The following OR2AJ1 variants were observed in gnomAD, a reference collection of about 807,000 sequenced individuals.
OR2AJ1 encodes the protein olfactory receptor family 2 subfamily AJ member 1.
For missense variants in OR2AJ1, 280 were observed against 163.2 expected, an observed-to-expected ratio of 1.72 and a Z score of -3.90; for synonymous variants, 105 against 60.3, an observed-to-expected ratio of 1.74 and a Z score of -3.44.
intron 1 of OR2AJ1, 77 bp downstream of exon 1, chr1:247,925,245 G>C (rs1385184940): frequency 6.6e-6 from 1 of 152,510 alleles, no homozygotes; most frequent in Admixed American, 6.5e-5. Context: ...CGCAGGTTTT[G>C]TTCAGAGCGC....
At chr1:247,928,388 A>G (rs1018254206) in intron 1 of OR2AJ1, among the ~76,000 whole-genome samples, 1 of 152,190 alleles carries the variant, frequency 6.6e-6, no homozygotes, top group Non-Finnish European at 1.5e-5. Context: ...AGTTCCTCGC[A>G]TATACTATAT....
At position 247,934,780 on chromosome 1, in the gene OR2AJ1, G is replaced by T. The variant is rs566593513; in HGVS notation, c.*25G>T. The T allele has an allele frequency of 2.3e-5, 15 of 644,742 alleles. No homozygotes were observed. The East Asian group carries it at 2.7e-4, about 12-fold the overall frequency. The allele number at this position is 644,742 out of a possible 1,614,324, so 39.9% of individuals were successfully genotyped here. A position where few individuals can be genotyped will look rare whatever the true frequency, so the allele number is the denominator to read the frequency against. On this transcript the variant is annotated 3_prime_UTR_variant, in exon 2 of 2. Transcript: ENST00000318244. Reference sequence around the variant, plus strand: ...AATGCCTGAAGGATACTCATGAGAGGTTTCCTAGAAAGAAATCAAAGCTTC... The same window carrying T: ...AATGCCTGAAGGATACTCATGAGAGTTTTCCTAGAAAGAAATCAAAGCTTC...
chr1:247,928,910 C>T (rs1331000817), intron 1 of OR2AJ1, among the ~76,000 whole-genome samples: 4 of 152,124 alleles, frequency 2.6e-5, no homozygotes, highest in East Asian at 1.9e-4. Flanking sequence ...CTGGCTAACA[C>T]GGTGAAATCC....
Position 247,934,884 on chromosome 1 carries a change from A to T in OR2AJ1, c.*129A>T, listed in dbSNP as rs979635268. On this transcript the variant is annotated 3_prime_UTR_variant, in exon 2 of 2. Transcript: ENST00000318244. Reference sequence around the variant, plus strand: ...AATAATATGTGTTTGTGTTGTAAACACGTACCTCTAAAAATGTAGTGTTCC... The same window carrying T: ...AATAATATGTGTTTGTGTTGTAAACTCGTACCTCTAAAAATGTAGTGTTCC... The T allele has an allele frequency of 3.4e-6, 2 of 581,482 alleles. No homozygotes were observed. The highest frequency in any genetic ancestry group is 6.0e-6 in the Non-Finnish European group (2 of 330,694). The allele number at this position is 581,482 out of a possible 1,614,324, so 36.0% of individuals were successfully genotyped here.
chr1:247,933,817 T>A lies in OR2AJ1; in HGVS notation c.49T>A (p.Leu17Met), dbSNP rs1157704607. 1.6e-6 allele frequency: 1 copy of A among 632,016 alleles called. No homozygotes were observed. The highest frequency in any genetic ancestry group is 2.7e-5 in the East Asian group (1 of 36,462). The allele number at this position is 632,016 out of a possible 1,614,324, so 39.2% of individuals were successfully genotyped here. A position where few individuals can be genotyped will look rare whatever the true frequency, so the allele number is the denominator to read the frequency against. The part of the protein sequence containing the change: ...TFSSDFILLG[L>M]FSSSPTSVVF... ...CAGCAGTGATTTCATACTTTTGGGA[T>A]TGTTCTCTTCTTCCCCAACAAGTGT... The change falls in exon 2 of 2, where the codon TTG becomes ATG. Residue 17 changes from leucine to methionine, a missense_variant. Leu to Met is a conservative substitution (Grantham distance 15). Coordinates refer to ENST00000318244, the MANE Select transcript of OR2AJ1 (RefSeq NM_001355235.2).
intron 1 of OR2AJ1, among the ~76,000 whole-genome samples, chr1:247,927,519 T>TGTGTGTGTGTGTGTG (rs74163828): frequency 1.4e-4 from 21 of 151,710 alleles, no homozygotes; most frequent in East Asian, 3.9e-4. Flanking sequence ...TGTGTGTGTG[T>TGTGTGTGTGTGTGTG]TGGGAACATT....
intron 1 of OR2AJ1, among the ~76,000 whole-genome samples, chr1:247,925,968 C>A (rs1660087238): frequency 6.6e-6 from 1 of 152,146 alleles, no homozygotes; most frequent in African/African-American, 2.4e-5. Context: ...TCTGTAAATT[C>A]TGAACACAAA....
intron 1 of OR2AJ1, among the ~76,000 whole-genome samples, chr1:247,929,191 C>G (rs1660125292): frequency 6.6e-6 from 1 of 152,156 alleles, no homozygotes; most frequent in Admixed American, 6.5e-5. Context: ...TTTGCTCTTT[C>G]ACACTCATTT....
At chr1:247,928,350 T>C (rs1396605024) in intron 1 of OR2AJ1, among the ~76,000 whole-genome samples, 1 of 152,334 alleles carries the variant, frequency 6.6e-6, no homozygotes, top group South Asian at 2.1e-4. Flanking sequence ...CTATTTTCAA[T>C]TGGATTATGG....
chr1:247,934,236 C>T lies in OR2AJ1; in HGVS notation c.468C>T (p.Ser156=). ...GGSWLIGVFN[S]TVHTAYALQF... is the part of the protein sequence containing the mutation. ...CCTGGCTCATTGGGGTTTTCAACTC[C>T]ACAGTCCACACAGCTTATGCACTGC... The change falls in exon 2 of 2, where the codon TCC becomes TCT. Residue 156 remains serine, a synonymous_variant. Coordinates refer to ENST00000318244, the MANE Select transcript of OR2AJ1 (RefSeq NM_001355235.2). 1.4e-6 allele frequency: 1 copy of T among 719,722 alleles called. No homozygotes were observed. Among genetic ancestry groups the T allele is most frequent in the Non-Finnish European group, 2.6e-6 (1 of 386,454 alleles). 44.6% of individuals were successfully genotyped at this position (719,722 alleles called of 1,614,324 possible).
intron 1 of OR2AJ1, among the ~76,000 whole-genome samples, chr1:247,928,922 G>A (rs760290623): frequency 2.0e-5 from 3 of 152,026 alleles, no homozygotes. Context: ...GTGAAATCCC[G>A]TCTCTACTAA....
chr1:247,924,913 T>C lies in OR2AJ1; in HGVS notation c.-278T>C, dbSNP rs4925779. The C allele has an allele frequency of 6.6e-6, 1 of 152,154 alleles. No individual in the cohort carries two copies. The highest frequency in any genetic ancestry group is 2.4e-5 in the African/African-American group (1 of 41,478). 9.4% of individuals were successfully genotyped at this position (152,154 alleles called of 1,614,324 possible). A position where few individuals can be genotyped will look rare whatever the true frequency, so the allele number is the denominator to read the frequency against. On this transcript the variant is annotated 5_prime_UTR_variant, in exon 1 of 2. Transcript: ENST00000318244. ...TGCTACAGGACTTCCAACTGGGAAG[T>C]TGTCTTTCATCCTTTTCCTTGCTCC...
chr1:247,929,652 G>A (rs1660131579), intron 1 of OR2AJ1, among the ~76,000 whole-genome samples: 1 of 148,800 alleles, frequency 6.7e-6, no homozygotes, highest in Non-Finnish European at 1.5e-5. Flanking sequence ...GGTATTTAAT[G>A]AGTCTCATCT....
chr1:247,934,953 G>A lies in OR2AJ1; in HGVS notation c.*198G>A. On this transcript the variant is annotated 3_prime_UTR_variant, in exon 2 of 2. Transcript: ENST00000318244. ...AATCATGCAACAGTTACAGGAAGTA[G>A]AAGTTACCCAAGGCGTCCTATTCCC... is the stretch of plus-strand genomic sequence containing the variant. 2 of 488,082 alleles carry A rather than the reference G, an allele frequency of 4.1e-6. No homozygotes were observed. Among genetic ancestry groups the A allele is most frequent in the Middle Eastern group, 5.2e-4 (1 of 1,910 alleles). 30.2% of individuals were successfully genotyped at this position (488,082 alleles called of 1,614,324 possible). A position where few individuals can be genotyped will look rare whatever the true frequency, so the allele number is the denominator to read the frequency against.
rs535723018 is a variant in OR2AJ1 at position 247,926,852 on chromosome 1, T to C, written c.-23+1684T>C. On this transcript the variant is annotated intron_variant, in intron 1 of 1. Transcript: ENST00000318244. ...TGAGAATGGTTTCAACAATAGACTT[T>C]AGTGGGAACAAACTAGCTTGATTCT... Among the ~76,000 whole-genome samples the C allele has an allele frequency of 9.2e-5, 14 of 152,328 alleles. No homozygotes were observed. In the South Asian group the frequency reaches 2.5e-3, roughly 27 times the overall value.
At chr1:247,933,238 G>C (rs997823549) in intron 1 of OR2AJ1, among the ~76,000 whole-genome samples, 2 of 152,142 alleles carry the variant, frequency 1.3e-5, no homozygotes, top group African/African-American at 4.8e-5. Context: ...CCAGTGATCA[G>C]AACAAGGATC....
At chr1:247,926,178 A>G (rs1296040423) in intron 1 of OR2AJ1, among the ~76,000 whole-genome samples, 1 of 152,194 alleles carries the variant, frequency 6.6e-6, no homozygotes, top group Non-Finnish European at 1.5e-5. Context: ...TATAAACATT[A>G]TCTTTAGCAT....
intron 1 of OR2AJ1, among the ~76,000 whole-genome samples, chr1:247,932,733 A>G (rs1660167909): frequency 6.6e-6 from 1 of 152,186 alleles, no homozygotes; most frequent in Non-Finnish European, 1.5e-5. Context: ...TAATTTACGT[A>G]TTAATATGTG....
rs572896714 is a variant in OR2AJ1, at chr1:247,928,334, A to C, written c.-23+3166A>C. Among the ~76,000 whole-genome samples the C allele has an allele frequency of 3.3e-5, 5 of 152,246 alleles. No individual in the cohort carries two copies. The East Asian group carries it at 9.6e-4, about 29-fold the overall frequency. On this transcript the variant is annotated intron_variant, in intron 1 of 1. Coordinates refer to ENST00000318244, the MANE Select transcript of OR2AJ1 (RefSeq NM_001355235.2). ...CTTCTGAGAAATGGGTATTTAGATC[A>C]TTTACCTATTTTCAATTGGATTATG...
Sources: gnomAD v4.1 joint callset for allele counts (sites outside exome capture counted in the v4.1 genomes callset) on GRCh38, gnomAD v4.1.1 for gene constraint, MANE v1.5 for transcripts, NCBI Gene and HGNC (gene_info 2026-07-23, HGNC 2026-07-21) for gene names.